The following PTPN2 variants were observed in gnomAD, a reference collection of about 807,000 sequenced individuals.
PTPN2 encodes protein tyrosine phosphatase non-receptor type 2, also known as tyrosine-protein phosphatase non-receptor type 2.
PTPN2 carries 19 observed loss-of-function variants against 57.3 expected under a neutral mutation model. The observed-to-expected ratio is 0.33, with a 90% CI of 0.23 to 0.49. The LOEUF (loss-of-function observed/expected upper bound fraction) is 0.49. Among genes scored for constraint, PTPN2 ranks in the 20% least tolerant of loss-of-function variants. The pLI, the probability that PTPN2 is intolerant of heterozygous loss-of-function variation, is 0.99. For synonymous variants in PTPN2, 153 were observed against 164.9 expected (o/e 0.93, Z 0.55); for missense variants, 358 against 501.1 (o/e 0.71, Z 2.73).
At chr18:12,853,652 G>A (rs1469686778) in intron 2 of PTPN2, among the ~76,000 whole-genome samples, 1 of 152,180 alleles carries the variant, frequency 6.6e-6, no homozygotes, top group Non-Finnish European at 1.5e-5. Flanking sequence ...GTCAGAGAGA[G>A]GAGGGGAAGA....
Position 12,860,719 on chromosome 18 carries a change from G to A in PTPN2, c.70-1465C>T, listed in dbSNP as rs536983874. Among the ~76,000 whole-genome samples, 67 of 152,208 alleles carry A rather than the reference G, an allele frequency of 4.4e-4. 1 individual carries two copies. Among genetic ancestry groups the A allele is most frequent in the Non-Finnish European group, 6.8e-4 (46 of 67,988 alleles). ...GGAGGCTGCAGTGAGCTGAGATTGC[G>A]CCACTGCAACAACCAGCAGGCCTGA... On this transcript the variant is annotated intron_variant, in intron 1 of 8. Coordinates refer to ENST00000309660, the MANE Select transcript of PTPN2 (RefSeq NM_002828.4).
rs527776787 is a variant in PTPN2, at chr18:12,874,073, G to A, written c.69+10000C>T. ...CCGGCAGCCGCCCCGTCTGAGAAGT[G>A]AGGAGCCCCTCCGCCCGGCAGCCAC... On this transcript the variant is annotated intron_variant, in intron 1 of 8. Coordinates refer to ENST00000309660, the MANE Select transcript of PTPN2 (RefSeq NM_002828.4). 4.1e-3 allele frequency among the ~76,000 whole-genome samples: 627 copies of A among 152,030 alleles called. 3 individuals are homozygous for A. Among genetic ancestry groups the A allele is most frequent in the African/African-American group, 0.015 (608 of 41,490 alleles).
intron 2 of PTPN2, among the ~76,000 whole-genome samples, chr18:12,847,997 C>T (rs924718063): frequency 4.0e-5 from 6 of 151,406 alleles, no homozygotes; most frequent in Non-Finnish European, 7.4e-5. Flanking sequence ...CTGTCAACAA[C>T]GGATTTTGAG....
rs754009863 is a variant in PTPN2 at position 12,814,295 on chromosome 18, T to C, written c.766A>G (p.Met256Val). 4 of 1,608,196 alleles carry C rather than the reference T, an allele frequency of 2.5e-6. No individual in the cohort carries two copies. The highest frequency in any genetic ancestry group is 3.4e-6 in the Non-Finnish European group (4 of 1,176,454). ...QVLLNMRKYR[M>V]GLIQTPDQLR... The stretch of plus-strand genomic sequence containing the variant: ...TGATCTGGGGTCTGAATAAGACCCA[T>C]TCGGTATTTTCTCATGTTCAGTAAC... The change falls in exon 7 of 9, where the codon ATG (methionine) becomes GTG (valine). Residue 256 changes from methionine to valine, a missense_variant. Physicochemically the swap from Met to Val is conservative, Grantham distance 21 (BLOSUM62 1). Coordinates refer to ENST00000309660, the MANE Select transcript of PTPN2 (RefSeq NM_002828.4).
At chr18:12,788,432 C>CTTTTTTTTTTT (rs71174142), downstream of PTPN2, among the ~76,000 whole-genome samples, 6 of 90,100 alleles carry the variant, frequency 6.7e-5, no homozygotes, top group Admixed American at 1.4e-4. Context: ...GGGATCAGGG[C>CTTTTTTTTTTT]TTTTTTTTTT....
Position 12,884,124 on chromosome 18 carries a change from C to T in PTPN2, c.18G>A (p.Glu6=). ...GAGTATCCAACTCTTCGAACTCCCGCTCGATGGTGGTGGGCATGGCTGCGG... is the reference window on the plus strand; with the variant it reads ...GAGTATCCAACTCTTCGAACTCCCGTTCGATGGTGGTGGGCATGGCTGCGG... MPTTI[E]REFEELDTQR... is the part of the protein sequence containing the mutation. Residue 6 remains glutamate, a synonymous_variant, in exon 1 of 9, where the codon GAG becomes GAA. Coordinates refer to ENST00000309660, the MANE Select transcript of PTPN2 (RefSeq NM_002828.4). 6.3e-7 allele frequency: 1 copy of T among 1,588,004 alleles called. No individual in the cohort carries two copies.
chr18:12,867,509 T>C (rs1443749661), intron 1 of PTPN2, among the ~76,000 whole-genome samples: 1 of 152,184 alleles, frequency 6.6e-6, no homozygotes, highest in East Asian at 1.9e-4. Context: ...CAGATGTACC[T>C]CAAATTTAAA....
intron 1 of PTPN2, among the ~76,000 whole-genome samples, chr18:12,865,712 AGCTACTCGGAAG>A (rs1248841505): frequency 1.3e-5 from 2 of 152,048 alleles, no homozygotes; most frequent in African/African-American, 4.8e-5. Flanking sequence ...CTGTAGTCCC[AGCTACTCGGAAG>A]GCTGAGGAAC....
At chr18:12,834,326 C>CAAAAAAAAAAA (rs11368721) in intron 3 of PTPN2, among the ~76,000 whole-genome samples, 1 of 133,206 alleles carries the variant, frequency 7.5e-6, no homozygotes, top group Admixed American at 7.6e-5. Context: ...GACTCCATCT[C>CAAAAAAAAAAA]AAAAAAAAAA....
downstream of PTPN2, among the ~76,000 whole-genome samples, chr18:12,790,387 T>C (rs2040954327): frequency 6.6e-6 from 1 of 152,218 alleles, no homozygotes; most frequent in Non-Finnish European, 1.5e-5. Context: ...GGTCTGGAAC[T>C]AGATATGTAA....
rs1381621068 is a variant in PTPN2, at chr18:12,840,619, C to T, written c.161-3728G>A. On this transcript the variant is annotated intron_variant, in intron 2 of 8. Transcript: ENST00000309660. ...AAGTGCATATGAATATGGATCACAC[C>T]CATCGCACTGTCACTCAGGGAAGTC... 5 of 1,365,230 alleles carry T rather than the reference C, an allele frequency of 3.7e-6. No individual in the cohort carries two copies. The Admixed American group carries it at 7.8e-5, about 21-fold the overall frequency. The allele number at this position is 1,365,230 out of a possible 1,614,324, so 84.6% of individuals were successfully genotyped here. A position where few individuals can be genotyped will look rare whatever the true frequency, so the allele number is the denominator to read the frequency against.
downstream of PTPN2, among the ~76,000 whole-genome samples, chr18:12,789,610 T>G (rs976568217): frequency 1.8e-4 from 28 of 152,192 alleles, no homozygotes; most frequent in Admixed American, 1.1e-3. Context: ...ACATCTCCCC[T>G]GCAGGGTGCA....
chr18:12,812,701 A>G (rs1171156480), intron 7 of PTPN2, among the ~76,000 whole-genome samples: 1 of 152,206 alleles, frequency 6.6e-6, no homozygotes, highest in Non-Finnish European at 1.5e-5. Context: ...CACCAATTAA[A>G]AAAGATTCTC....
intron 2 of PTPN2, among the ~76,000 whole-genome samples, chr18:12,849,436 G>A (rs550160920): frequency 1.1e-4 from 16 of 152,352 alleles, no homozygotes; most frequent in Middle Eastern, 3.4e-3. Flanking sequence ...GCTAACGCCT[G>A]TAATACAAAC....
intron 2 of PTPN2, among the ~76,000 whole-genome samples, chr18:12,838,378 C>T (rs2042939535): frequency 6.6e-6 from 1 of 152,178 alleles, no homozygotes; most frequent in Non-Finnish European, 1.5e-5. Context: ...CCCAGCTATG[C>T]AGGAAGTAAA....
Position 12,869,535 on chromosome 18 carries a change from ATTTT to A in PTPN2, c.70-10285_70-10282del, listed in dbSNP as rs748942033. Among the ~76,000 whole-genome samples, 650 of 151,876 alleles carry A rather than the reference ATTTT, an allele frequency of 4.3e-3. 3 individuals are homozygous for A. Among genetic ancestry groups the A allele is most frequent in the African/African-American group, 0.015 (624 of 41,142 alleles). On this transcript the variant is annotated intron_variant, in intron 1 of 8. Coordinates refer to ENST00000309660, the MANE Select transcript of PTPN2 (RefSeq NM_002828.4). ...ATTATCGGGGTGAAATAGTTATAAT[ATTTT>A]ATTAAATAATGTCAAATAATATTTT... is the stretch of plus-strand genomic sequence containing the variant.
intron 2 of PTPN2, among the ~76,000 whole-genome samples, chr18:12,851,781 G>A (rs1240891095): frequency 6.6e-6 from 1 of 152,136 alleles, no homozygotes; most frequent in African/African-American, 2.4e-5. Flanking sequence ...CATTTAAAAA[G>A]TATGTTTATT....
intron 1 of PTPN2, among the ~76,000 whole-genome samples, chr18:12,874,420 C>T (rs1445811717): frequency 3.3e-5 from 5 of 149,750 alleles, no homozygotes; most frequent in African/African-American, 1.2e-4. Flanking sequence ...GGGGATCAGC[C>T]CCCGCCCGGC....
At chr18:12,874,684 G>A (rs1442614933) in intron 1 of PTPN2, among the ~76,000 whole-genome samples, 1 of 150,478 alleles carries the variant, frequency 6.6e-6, no homozygotes, top group Non-Finnish European at 1.5e-5. Context: ...GAGGGAGGTG[G>A]GGGGGTCAAC....
Sources: gnomAD v4.1 joint callset for allele counts (sites outside exome capture counted in the v4.1 genomes callset) on GRCh38, gnomAD v4.1.1 for gene constraint, MANE v1.5 for transcripts, NCBI Gene and HGNC (gene_info 2026-07-23, HGNC 2026-07-21) for gene names.